Variants in CFAP54 observed in about 807,000 individuals in gnomAD.
The protein encoded by CFAP54 is cilia- and flagella-associated protein 54.
Under a neutral mutation model 370.4 loss-of-function variants are expected in CFAP54, and 290 were observed. The ratio of observed to expected loss-of-function variants is 0.78; its 90% CI spans 0.71 to 0.86. The LOEUF is 0.86. Among genes scored for constraint, CFAP54 ranks in the 40% least tolerant of loss-of-function variants. CFAP54 has a pLI of 0.00. For synonymous variants in CFAP54, 1,206 were observed against 1,236.5 expected, an observed-to-expected ratio of 0.98 and a Z score of 0.52; for missense variants, 3,399 against 3,528.7, an observed-to-expected ratio of 0.96 and a Z score of 0.93.
At chr12:96,831,026 G>A (rs1959169339) in intron 66 of CFAP54, among the ~76,000 whole-genome samples, 1 of 152,180 alleles carries the variant, frequency 6.6e-6, no homozygotes, top group Non-Finnish European at 1.5e-5. Context: ...AGCGTGACAA[G>A]TGGAAAATAG....
Position 96,535,615 on chromosome 12 carries a change from T to A in CFAP54, c.1791+15T>A, listed in dbSNP as rs1169795639. On this transcript the variant is annotated intron_variant, in intron 12 of 67. Coordinates refer to ENST00000524981, the MANE Select transcript of CFAP54 (RefSeq NM_001306084.2). ...CTGCTCCCCAGGTGAAATAGCTATT[T>A]TAAATAATTTTTATTAGTGTGGAAG... is the stretch of plus-strand genomic sequence containing the variant. 1 of 1,507,854 alleles carries A rather than the reference T, an allele frequency of 6.6e-7. No individual in the cohort carries two copies. The highest frequency in any genetic ancestry group is 8.9e-7 in the Non-Finnish European group (1 of 1,125,134). 93.4% of individuals were successfully genotyped at this position (1,507,854 alleles called of 1,614,324 possible).
intron 5 of CFAP54, among the ~76,000 whole-genome samples, chr12:96,517,833 T>C (rs2136364654): frequency 1.3e-5 from 2 of 152,142 alleles, no homozygotes; most frequent in South Asian, 4.2e-4. Flanking sequence ...TGCAGTTCCG[T>C]GAGGGATGGA....
intron 58 of CFAP54, among the ~76,000 whole-genome samples, chr12:96,763,017 T>C (rs1213552386): frequency 2.6e-5 from 4 of 152,108 alleles, no homozygotes; most frequent in Admixed American, 2.0e-4. Flanking sequence ...GCAGGTTCAT[T>C]GAAAATTAAA....
chr12:96,664,945 G>A (rs1361584513), intron 39 of CFAP54, among the ~76,000 whole-genome samples: 5 of 151,320 alleles, frequency 3.3e-5, no homozygotes, highest in Non-Finnish European at 7.4e-5. Context: ...CAATGTATAA[G>A]CGTTCGTTTT....
rs1028505473 is a variant in CFAP54, at chr12:96,860,212, G to C, written c.9172-607G>C. Among the ~76,000 whole-genome samples the C allele has an allele frequency of 6.2e-4, 88 of 142,804 alleles. 1 individual carries two copies. The highest frequency in any genetic ancestry group is 6.4e-4 in the Non-Finnish European group (43 of 66,672). 93.7% of individuals were successfully genotyped at this position (142,804 alleles called of 152,430 possible). A position where few individuals can be genotyped will look rare whatever the true frequency, so the allele number is the denominator to read the frequency against. ...AACTCATTGTGGTCATTCTACACAA[G>C]TATATACCTAGATTGGCATGAAGTG... On this transcript the variant is annotated intron_variant, in intron 66 of 67. Transcript: ENST00000524981.
rs190789864 is a variant in CFAP54 at position 96,733,452 on chromosome 12, C to T, written c.6966-6504C>T. On this transcript the variant is annotated intron_variant, in intron 50 of 67. Coordinates refer to ENST00000524981, the MANE Select transcript of CFAP54 (RefSeq NM_001306084.2). ...ATGAGAACAAACTGACCATTTTTGT[C>T]ATGAATGCTAATAAGAAATAAATGG... 1.3e-4 allele frequency among the ~76,000 whole-genome samples: 19 copies of T among 151,604 alleles called. No individual in the cohort carries two copies. In the East Asian group the frequency reaches 3.7e-3, roughly 29 times the overall value.
chr12:96,568,702 G>T (rs539945483), intron 19 of CFAP54, among the ~76,000 whole-genome samples: 7 of 152,226 alleles, frequency 4.6e-5, no homozygotes, highest in Admixed American at 1.3e-4. Context: ...TCATAAAAAG[G>T]TTTGAAAAGC....
At chr12:96,799,810 G>A (rs1388410371) in intron 63 of CFAP54, among the ~76,000 whole-genome samples, 6 of 152,154 alleles carry the variant, frequency 3.9e-5, no homozygotes, top group African/African-American at 1.4e-4. Context: ...ATAGTAATGG[G>A]TCAAGGAGTA....
At chr12:96,639,583 G>T (rs770589568) in intron 32 of CFAP54, among the ~76,000 whole-genome samples, 22 of 152,144 alleles carry the variant, frequency 1.4e-4, no homozygotes, top group Non-Finnish European at 2.6e-4. Context: ...ATTTTATGAG[G>T]CCAGCATCAT....
chr12:96,739,905 G>T, intron 50 of CFAP54, 51 bp from the exon 51 acceptor site: 1 of 1,101,110 alleles, frequency 9.1e-7, no homozygotes, highest in Non-Finnish European at 1.3e-6. Flanking sequence ...ATAACATACA[G>T]ATGCCACAAA....
At chr12:96,661,466 A>G (rs1956993718) in intron 38 of CFAP54, among the ~76,000 whole-genome samples, 1 of 152,158 alleles carries the variant, frequency 6.6e-6, no homozygotes, top group South Asian at 2.1e-4. Flanking sequence ...GCAAGCTTCA[A>G]ATCCATAGGG....
At chr12:96,535,124 T>A (rs1339889048) in intron 11 of CFAP54, among the ~76,000 whole-genome samples, 2 of 151,862 alleles carry the variant, frequency 1.3e-5, no homozygotes, top group Admixed American at 1.3e-4. Flanking sequence ...AGTGGCATGA[T>A]CTTGGCTCAG....
rs1955658575 is a variant in CFAP54, at chr12:96,547,996, G to C, written c.2154+18G>C. ...TATTACAGGTATTACTACATATTTA[G>C]AAAATTTAGGTGAAACATGCAATTT... On this transcript the variant is annotated intron_variant, in intron 15 of 67. Transcript: ENST00000524981. 8.4e-7 allele frequency: 1 copy of C among 1,191,740 alleles called. No individual in the cohort carries two copies. Among genetic ancestry groups the C allele is most frequent in the Non-Finnish European group, 1.1e-6 (1 of 870,900 alleles). The allele number at this position is 1,191,740 out of a possible 1,614,324, so 73.8% of individuals were successfully genotyped here.
chr12:96,874,892 C>T (rs1960267210), intron 67 of CFAP54, among the ~76,000 whole-genome samples: 1 of 151,994 alleles, frequency 6.6e-6, no homozygotes, highest in African/African-American at 2.4e-5. Context: ...GCTGGGATTA[C>T]AGGCGTGAGC....
chr12:96,540,903 G>A lies in CFAP54; in HGVS notation c.1993G>A (p.Val665Met), dbSNP rs1401262054. 4 of 1,519,582 alleles carry A rather than the reference G, an allele frequency of 2.6e-6. No individual in the cohort carries two copies. Among genetic ancestry groups the A allele is most frequent in the Non-Finnish European group, 3.5e-6 (4 of 1,139,532 alleles). 94.1% of individuals were successfully genotyped at this position (1,519,582 alleles called of 1,614,324 possible). A position where few individuals can be genotyped will look rare whatever the true frequency, so the allele number is the denominator to read the frequency against. ...HCYKMEDIDI[V>M]VVAEVTLRLS... is the part of the protein sequence containing the mutation. The stretch of plus-strand genomic sequence containing the variant: ...CTATAAAATGGAAGACATTGACATT[G>A]TGGTAGTGGCAGAAGTCACATTACG... Residue 665 changes from valine to methionine, a missense_variant, in exon 14 of 68, where the codon GTG becomes ATG. Physicochemically the swap from Val to Met is conservative, Grantham distance 21. Around this residue, in one of 3 missense-constraint regions of CFAP54, gnomAD observed 2,796 missense variants for 2,869.7 expected, o/e 0.97. Transcript: ENST00000524981.
In CFAP54 at chr12:96,720,468, A is replaced by C; in HGVS notation, c.6868A>C (p.Thr2290Pro). 1 of 1,604,560 alleles carries C rather than the reference A, an allele frequency of 6.2e-7. No homozygotes were observed. ...NFLLSEVEQK[T>P]LSQCSAGELE... ...CCTTCTGTCCGAGGTGGAACAGAAGACCCTGTCTCAGTGCTCCGCTGGCGA... is the reference window on the plus strand; with the variant it reads ...CCTTCTGTCCGAGGTGGAACAGAAGCCCCTGTCTCAGTGCTCCGCTGGCGA... Residue 2290 changes from threonine (T) to proline (P), a missense_variant, in exon 50 of 68, where the codon ACC becomes CCC. By Grantham distance (38) the Thr-to-Pro change is conservative. Coordinates refer to ENST00000524981, the MANE Select transcript of CFAP54 (RefSeq NM_001306084.2).
chr12:96,666,469 A>T (rs1957081353), intron 39 of CFAP54, among the ~76,000 whole-genome samples: 1 of 152,226 alleles, frequency 6.6e-6, no homozygotes, highest in South Asian at 2.1e-4. Flanking sequence ...AAGAGGTTTA[A>T]TGAATTCACA....
rs1592748431 is a variant in CFAP54, at chr12:96,763,598, G to T, written c.8041-553G>T. The stretch of plus-strand genomic sequence containing the variant: ...GATCAAGACCAGCCTGGGCAACATG[G>T]TGACACCTTGTTTCTACAAAAAATA... On this transcript the variant is annotated intron_variant, in intron 58 of 67. Coordinates refer to ENST00000524981, the MANE Select transcript of CFAP54 (RefSeq NM_001306084.2). Among the ~76,000 whole-genome samples, 3 of 152,220 alleles carry T rather than the reference G, an allele frequency of 2.0e-5. No homozygotes were observed. The South Asian group carries it at 6.2e-4, about 32-fold the overall frequency.
At chr12:96,867,109 A>C (rs769604338) in intron 67 of CFAP54, among the ~76,000 whole-genome samples, 2 of 152,118 alleles carry the variant, frequency 1.3e-5, no homozygotes, top group Non-Finnish European at 2.9e-5. Flanking sequence ...GAGGGAAAAA[A>C]ATTAAATCTT....
Sources: gnomAD v4.1 joint callset for allele counts (sites outside exome capture counted in the v4.1 genomes callset) on GRCh38, gnomAD v4.1.1 for gene constraint, gnomAD v4.1.1 regional missense constraint, MANE v1.5 for transcripts, NCBI Gene and HGNC (gene_info 2026-07-23, HGNC 2026-07-21) for gene names.